RGS3: variants seen among roughly 807,000 people sequenced by gnomAD.
The protein encoded by RGS3 is regulator of G-protein signalling 3.
In RGS3, 80 loss-of-function variants were observed where a neutral mutation model predicts 132.6. The observed-to-expected ratio is 0.60, with a 90% confidence interval of 0.50 to 0.73. RGS3 has a LOEUF of 0.73. RGS3 is among the 30% of genes least tolerant of loss of function. The pLI, the probability that RGS3 is intolerant of heterozygous loss-of-function variation, is 0.00. For missense variants in RGS3, 1,382 were observed against 1,530.8 expected (o/e 0.90, Z 1.62); for synonymous variants, 598 against 620.6 (o/e 0.96, Z 0.54).
chr9:113,547,096 C>T (rs1404607810), intron 19 of RGS3, among the ~76,000 whole-genome samples: 1 of 151,950 alleles, frequency 6.6e-6, no homozygotes, highest in Non-Finnish European at 1.5e-5. Flanking sequence ...GGAGAATTGG[C>T]TAGGTTCTTC....
At chr9:113,462,119 T>G in exon 3 of RGS3, 13 of 1,614,152 alleles carry the variant, frequency 8.1e-6, no homozygotes, top group Non-Finnish European at 1.0e-5. Context: ...TAAGCCCTGA[T>G]ATCGCTCTGC....
At chr9:113,515,909 T>A (rs892661701) in intron 15 of RGS3, among the ~76,000 whole-genome samples, 20 of 152,368 alleles carry the variant, frequency 1.3e-4, no homozygotes, top group African/African-American at 4.8e-4. Flanking sequence ...GATACTTCTG[T>A]CTACTCTTTT....
At chr9:113,564,857 G>A in intron 19 of RGS3, 1 of 920,134 alleles carries the variant, frequency 1.1e-6, no homozygotes, top group Non-Finnish European at 1.3e-6. Flanking sequence ...GCTGGCTGCA[G>A]GAGCCTGGGT....
chr9:113,451,918 T>G (rs1295335023), intron 1 of RGS3, among the ~76,000 whole-genome samples: 2 of 152,126 alleles, frequency 1.3e-5, no homozygotes, highest in Non-Finnish European at 2.9e-5. Flanking sequence ...TTTGTAAGTC[T>G]GAAAAAAATC....
At chr9:113,475,325 G>C (rs896870671) in intron 3 of RGS3, among the ~76,000 whole-genome samples, 1 of 152,146 alleles carries the variant, frequency 6.6e-6, no homozygotes, top group African/African-American at 2.4e-5. Flanking sequence ...CCTTTAGCCT[G>C]ACTGCTCCCT....
chr9:113,554,503 C>T (rs1833486050), intron 19 of RGS3, among the ~76,000 whole-genome samples: 1 of 152,232 alleles, frequency 6.6e-6, no homozygotes, highest in Non-Finnish European at 1.5e-5. Flanking sequence ...GATGGGGTTT[C>T]ACCATGTTGG....
At chr9:113,592,250 AT>A (rs1456177646) in intron 21 of RGS3, 1 of 152,286 alleles carries the variant, frequency 6.6e-6, no homozygotes, top group African/African-American at 2.4e-5. Context: ...TCCACAGCCA[AT>A]TGCATTTTCT....
At chr9:113,583,679 C>A in exon 20 of RGS3, 1 of 1,614,056 alleles carries the variant, frequency 6.2e-7, no homozygotes, top group Non-Finnish European at 8.5e-7. Context: ...CCTCCAGGCC[C>A]AGATGCTCCG....
intron 3 of RGS3, among the ~76,000 whole-genome samples, chr9:113,470,530 A>G (rs1829795227): frequency 6.6e-6 from 1 of 152,240 alleles, no homozygotes; most frequent in Non-Finnish European, 1.5e-5. Flanking sequence ...TCTAGTAGGT[A>G]TAAAGTCTAA....
intron 19 of RGS3, chr9:113,541,809 G>C (rs1010086631): frequency 2.5e-5 from 25 of 994,044 alleles, no homozygotes; most frequent in Non-Finnish European, 3.0e-5. Flanking sequence ...ATGATCTGCT[G>C]CTGCCAGAGG....
chr9:113,497,193 GGA>G, intron 8 of RGS3, 119 bp from the exon 7 acceptor site: 1 of 724,114 alleles, frequency 1.4e-6, no homozygotes, highest in African/African-American at 1.7e-5. Flanking sequence ...CAGGAAGGCT[GGA>G]GAGTCTGTCT....
rs1382885093 is a variant in RGS3, at chr9:113,517,623, A to G, written c.1757A>G (p.Glu586Gly). Reference sequence around the variant, plus strand: ...TATGAAGGGAGGAACAAGGCTGCCGAGGTAAGACTTTCACCTGCATTTTTT... The same window carrying G: ...TATGAAGGGAGGAACAAGGCTGCCGGGGTAAGACTTTCACCTGCATTTTTT... The change falls in exon 16 of 25, where the codon GAG (glutamate) becomes GGG (glycine). Residue 586 changes from glutamate (E) to glycine (G), a missense_variant and splice_region_variant. Transcript: ENST00000350696. 1.2e-5 allele frequency: 20 copies of G among 1,612,776 alleles called. No individual in the cohort carries two copies. The East Asian group carries it at 4.5e-4, about 36-fold the overall frequency.
In RGS3 at chr9:113,506,814, G is replaced by A. The variant is rs6478017; in HGVS notation, c.1085+321G>A. Among the ~76,000 whole-genome samples, 21,788 of 152,088 alleles carry A rather than the reference G, an allele frequency of 0.14. 1,703 individuals are homozygous for A. The highest frequency in any genetic ancestry group is 0.2 in the African/African-American group (8,161 of 41,446). ...AGCTAAGCCCATTTGTTATTTAAGG[G>A]CATGAAGATGTTGCAAATGTTTCAA... On this transcript the variant is annotated intron_variant, in intron 12 of 24. Transcript: ENST00000350696. This position sits in a 1 kb window ranked among gnomAD's most constrained non-coding sequence, Gnocchi z 4.7.
chr9:113,515,853 T>C (rs533798111), intron 15 of RGS3, among the ~76,000 whole-genome samples: 2 of 152,346 alleles, frequency 1.3e-5, no homozygotes, highest in South Asian at 4.1e-4. Flanking sequence ...TGCCCACTCT[T>C]CTTTTATATG....
chr9:113,484,192 C>G (rs774082284), exon 6 of RGS3: 6 of 1,613,042 alleles, frequency 3.7e-6, no homozygotes, highest in African/African-American at 2.7e-5. Context: ...GCAGACCGTT[C>G]CAGACTGCAG....
intron 18 of RGS3, among the ~76,000 whole-genome samples, chr9:113,534,610 A>AT (rs58115176): frequency 0.012 from 1,526 of 128,746 alleles, 21 homozygotes; most frequent in African/African-American, 0.033. Context: ...GTACAGATGA[A>AT]TTTTTTTTTT....
intron 10 of RGS3, chr9:113,501,490 G>A: frequency 6.6e-7 from 1 of 1,515,320 alleles, no homozygotes; most frequent in Non-Finnish European, 8.8e-7. Flanking sequence ...GGGTGCTCAT[G>A]CCAGGCTGAC....
At chr9:113,461,910 C>T (rs768936606) in intron 2 of RGS3, 23 of 1,599,204 alleles carry the variant, frequency 1.4e-5, no homozygotes, top group Non-Finnish European at 2.0e-5. Flanking sequence ...GTGGGCCTTC[C>T]TTTGCTGTTT....
chr9:113,540,799 A>G (rs377489874), intron 19 of RGS3, among the ~76,000 whole-genome samples: 3 of 152,208 alleles, frequency 2.0e-5, no homozygotes, highest in Non-Finnish European at 4.4e-5. Flanking sequence ...ACAGTAAGCA[A>G]TGTGACCTCA....
Sources: allele counts gnomAD v4.1 joint callset (sites outside exome capture counted in the v4.1 genomes callset), GRCh38; gene constraint gnomAD v4.1.1; non-coding constraint Gnocchi (gnomAD v3.1); transcripts MANE v1.5; gene names NCBI Gene and HGNC (gene_info 2026-07-23, HGNC 2026-07-21).